UTY: variants seen among roughly 807,000 people sequenced by gnomAD.
UTY encodes histone demethylase UTY.
UTY carries 12 observed loss-of-function variants against 32.5 expected under a neutral mutation model. The ratio of observed to expected loss-of-function variants is 0.37; its 90% confidence interval spans 0.24 to 0.60. The LOEUF is 0.60. Ranked by LOEUF, UTY falls within the 20% of genes least tolerant of loss-of-function variation. UTY has a pLI of 0.69. For synonymous variants in UTY, 131 were observed against 103.4 expected (o/e 1.27, Z -1.62); for missense variants, 303 against 299.2 (o/e 1.01, Z -0.09).
chrY:13,236,517 A>G (rs2053854473), intron 28 of UTY, among the ~76,000 whole-genome samples: 1 of 31,134 alleles, frequency 3.2e-5, no homozygotes, highest in Non-Finnish European at 7.7e-5. Flanking sequence ...AAGTTTACAC[A>G]ATGTCTTCAG....
intron 20 of UTY, among the ~76,000 whole-genome samples, chrY:13,324,184 G>A: frequency 9.3e-5 from 3 of 32,134 alleles, no homozygotes; most frequent in Non-Finnish European, 1.5e-4. Flanking sequence ...CCTGACACCG[G>A]AGACTCATTT....
chrY:13,298,068 C>G (rs2058159733), intron 26 of UTY, among the ~76,000 whole-genome samples: 1 of 33,426 alleles, frequency 3.0e-5, no homozygotes, highest in Non-Finnish European at 7.4e-5. Flanking sequence ...CTTTTAACAT[C>G]TTATCTCATT....
intron 9 of UTY, among the ~76,000 whole-genome samples, chrY:13,368,642 G>C: frequency 3.1e-5 from 1 of 32,195 alleles, no homozygotes; most frequent in Non-Finnish European, 7.5e-5. Flanking sequence ...GACCCCGACA[G>C]TGCTGGGACC....
intron 3 of UTY, among the ~76,000 whole-genome samples, chrY:13,458,086 C>T (rs539443479): frequency 2.4e-3 from 82 of 33,741 alleles, no homozygotes; most frequent in African/African-American, 8.3e-3. Context: ...AAGAGGGAAA[C>T]GGAGTATACA....
intron 4 of UTY, among the ~76,000 whole-genome samples, chrY:13,436,602 T>C (rs1026964237): frequency 3.1e-5 from 1 of 32,330 alleles, no homozygotes; most frequent in Non-Finnish European, 7.6e-5. Context: ...GAGTGCATGC[T>C]AAAGAATTTC....
At chrY:13,479,186 C>T in intron 2 of UTY, 68 bp downstream of exon 2, 2 of 318,806 alleles carry the variant, frequency 6.3e-6, no homozygotes, top group Admixed American at 8.3e-5. Context: ...ACTGGCTGGG[C>T]GGTAAGGAAC....
intron 3 of UTY, among the ~76,000 whole-genome samples, chrY:13,469,753 G>A (rs2078300302): frequency 6.0e-5 from 2 of 33,421 alleles, no homozygotes; most frequent in African/African-American, 2.3e-4. Context: ...AATCAAATGA[G>A]GAAATACTGT....
intron 3 of UTY, among the ~76,000 whole-genome samples, chrY:13,465,667 A>T: frequency 3.0e-5 from 1 of 33,536 alleles, no homozygotes; most frequent in Non-Finnish European, 7.4e-5. Flanking sequence ...GGATAACAGA[A>T]GCCTAGTATT....
At chrY:13,381,794 A>G (rs1045813789) in intron 8 of UTY, among the ~76,000 whole-genome samples, 95 of 33,140 alleles carry the variant, frequency 2.9e-3, no homozygotes, top group Admixed American at 0.026. Context: ...GTGGCATCAG[A>G]GCCATGTTAA....
intron 17 of UTY, among the ~76,000 whole-genome samples, chrY:13,345,544 C>A: frequency 3.0e-5 from 1 of 33,771 alleles, no homozygotes; most frequent in Non-Finnish European, 7.4e-5. Context: ...AGCTTTTTGC[C>A]CAGAAGGGTG....
intron 27 of UTY, among the ~76,000 whole-genome samples, chrY:13,271,811 C>T: frequency 3.0e-5 from 1 of 33,592 alleles, no homozygotes; most frequent in Non-Finnish European, 7.4e-5. Context: ...TGACAATTAT[C>T]CTGTATTATC....
chrY:13,372,591 C>A (rs947460381), intron 8 of UTY, among the ~76,000 whole-genome samples: 3 of 33,158 alleles, frequency 9.0e-5, no homozygotes, highest in South Asian at 1.3e-3. Context: ...AAGAAAAACT[C>A]GACTTCTCCA....
In UTY at chrY:13,248,884, T is replaced by A; in HGVS notation, c.*972A>T. 1 of 38,141 alleles carries A rather than the reference T, an allele frequency of 2.6e-5. No individual in the cohort carries two copies. The highest frequency in any genetic ancestry group is 1.1e-4 in the African/African-American group (1 of 8,788). 9.5% of individuals were successfully genotyped at this position (38,141 alleles called of 400,897 possible). A position where few individuals can be genotyped will look rare whatever the true frequency, so the allele number is the denominator to read the frequency against. ...ACCATAGATGTAAAAAATAAAACTT[T>A]TAAAATCTATACAATTATATATCGA... On this transcript the variant is annotated 3_prime_UTR_variant, in exon 30 of 30. Coordinates refer to ENST00000545955, the MANE Select transcript of UTY (RefSeq NM_001258249.2).
At chrY:13,464,020 A>C (rs2077661724) in intron 3 of UTY, among the ~76,000 whole-genome samples, 1 of 34,032 alleles carries the variant, frequency 2.9e-5, no homozygotes, top group Admixed American at 2.7e-4. Context: ...TCAGCTTTAC[A>C]AAGACATATA....
intron 8 of UTY, among the ~76,000 whole-genome samples, chrY:13,379,985 G>GTA (rs2065864604): frequency 1.1e-3 from 8 of 7,362 alleles, no homozygotes; most frequent in African/African-American, 3.1e-3. Context: ...TATACATCTA[G>GTA]TATATATATA....
chrY:13,346,801 C>T, intron 17 of UTY, among the ~76,000 whole-genome samples: 1 of 33,226 alleles, frequency 3.0e-5, no homozygotes. Flanking sequence ...AACACTATAT[C>T]AATCATGTTA....
chrY:13,398,113 T>C (rs2068466210), intron 6 of UTY, among the ~76,000 whole-genome samples: 1 of 33,612 alleles, frequency 3.0e-5, no homozygotes, highest in Non-Finnish European at 7.4e-5. Context: ...ATAAATTATA[T>C]TCAACAACCT....
chrY:13,375,678 T>C, intron 8 of UTY, among the ~76,000 whole-genome samples: 1 of 33,958 alleles, frequency 2.9e-5, no homozygotes, highest in Non-Finnish European at 7.4e-5. Flanking sequence ...TCCTTTGCAA[T>C]ATTTAGTAAT....
chrY:13,369,054 C>T (rs559369532), intron 9 of UTY, among the ~76,000 whole-genome samples: 2,788 of 32,661 alleles, frequency 0.085, no homozygotes, highest in East Asian at 0.06. Flanking sequence ...CATATAACTC[C>T]GGTAAAACAG....
Sources: allele counts gnomAD v4.1 joint callset (sites outside exome capture counted in the v4.1 genomes callset), GRCh38; gene constraint gnomAD v4.1.1; transcripts MANE v1.5; gene names NCBI Gene and HGNC (gene_info 2026-07-23, HGNC 2026-07-21).